Variants in RAB3GAP2 observed in about 807,000 individuals in gnomAD.
The protein encoded by RAB3GAP2 is RAB3 GTPase activating non-catalytic protein subunit 2.
RAB3GAP2 carries 87 observed loss-of-function variants against 185.3 expected under a neutral mutation model. The observed-to-expected ratio is 0.47, with a 90% CI of 0.39 to 0.56. RAB3GAP2 has a LOEUF of 0.56. Ranked by LOEUF, RAB3GAP2 falls within the 20% of genes least tolerant of loss-of-function variation. The pLI is 0.00. For synonymous variants in RAB3GAP2, 554 were observed against 576.1 expected (o/e 0.96, Z 0.55); for missense variants, 1,492 against 1,638.2 (o/e 0.91, Z 1.54).
chr1:220,265,547 C>A (rs1222008088), intron 1 of RAB3GAP2, among the ~76,000 whole-genome samples: 1 of 151,940 alleles, frequency 6.6e-6, no homozygotes, highest in African/African-American at 2.4e-5. Context: ...TCAGAAAGTT[C>A]TGGTCTAGGC....
chr1:220,236,185 T>G (rs1659587728), intron 1 of RAB3GAP2, among the ~76,000 whole-genome samples: 1 of 152,020 alleles, frequency 6.6e-6, no homozygotes, highest in African/African-American at 2.4e-5. Flanking sequence ...TATTTTTTAT[T>G]TATTTATTTT....
rs1396710357 is a variant in RAB3GAP2 at position 220,172,685 on chromosome 1, A to G, written c.2368T>C (p.Ser790Pro). The change falls in exon 22 of 35, where the codon TCA becomes CCA. Residue 790 changes from serine to proline, a missense_variant. Physicochemically the swap from Ser to Pro is moderately conservative, Grantham distance 74. Around this residue, in one of 5 missense-constraint regions of RAB3GAP2, gnomAD observed 681 missense variants for 689.1 expected, o/e 0.99. Transcript: ENST00000358951. ...KEKDILDKPQSICCLHTMLSL... is the reference protein window; with the variant it reads ...KEKDILDKPQPICCLHTMLSL... ...AGCATGGTATGAAGACAGCAGATTG[A>G]CTGTGGTTTATCCAAAATATCCTTT... is the stretch of plus-strand genomic sequence containing the variant. 6.2e-7 allele frequency: 1 copy of G among 1,613,334 alleles called. No homozygotes were observed. Among genetic ancestry groups the G allele is most frequent in the Non-Finnish European group, 8.5e-7 (1 of 1,179,410 alleles).
chr1:220,162,336 T>C, intron 27 of RAB3GAP2, 68 bp from the exon 28 acceptor site: 1 of 1,098,614 alleles, frequency 9.1e-7, no homozygotes, highest in Non-Finnish European at 1.4e-6. Flanking sequence ...CATAAATTAC[T>C]CTTTCTTAAG....
At position 220,157,354 on chromosome 1, in the gene RAB3GAP2, G is replaced by C. The variant is rs200552845; in HGVS notation, c.3471C>G (p.His1157Gln). The C allele has an allele frequency of 2.5e-6, 4 of 1,613,754 alleles. No individual in the cohort carries two copies. The highest frequency in any genetic ancestry group is 3.4e-6 in the Non-Finnish European group (4 of 1,179,894). Residue 1157 changes from histidine (H) to glutamine (Q), a missense_variant, in exon 31 of 35, where the codon CAC becomes CAG. Transcript: ENST00000358951. ...QKHIHYPLVE[H>Q]HSILCSILYA... ...ACAAGATGGAGCACAGGATGGAGTGGTGCTCCACCAGTGGGTAGTGGATGT... is the reference window on the plus strand; with the variant it reads ...ACAAGATGGAGCACAGGATGGAGTGCTGCTCCACCAGTGGGTAGTGGATGT...
At chr1:220,220,657 C>T (rs1659288816) in intron 2 of RAB3GAP2, 1 of 152,188 alleles carries the variant, frequency 6.6e-6, no homozygotes, top group Admixed American at 6.5e-5. Flanking sequence ...CCCACAATTC[C>T]CACGTGTTGT....
Position 220,171,110 on chromosome 1 carries a change from G to C in RAB3GAP2, c.2588C>G (p.Thr863Arg). Residue 863 changes from threonine (T) to arginine (R), a missense_variant, in exon 24 of 35, where the codon ACA becomes AGA. By Grantham distance (71) the Thr-to-Arg change is moderately conservative. Coordinates refer to ENST00000358951, the MANE Select transcript of RAB3GAP2 (RefSeq NM_012414.4). The stretch of plus-strand genomic sequence containing the variant: ...GGCCTCTGAATCAGCACCCAAAACT[G>C]TTTGGGAAAACTAATAAAAAATGCA... ...NNMTEKKFSQ[T>R]VLGADSEALT... 1 of 1,613,918 alleles carries C rather than the reference G, an allele frequency of 6.2e-7. No homozygotes were observed. The highest frequency in any genetic ancestry group is 8.5e-7 in the Non-Finnish European group (1 of 1,179,822).
intron 1 of RAB3GAP2, among the ~76,000 whole-genome samples, chr1:220,265,627 G>C (rs1367010831): frequency 6.6e-6 from 1 of 152,050 alleles, no homozygotes; most frequent in African/African-American, 2.4e-5. Flanking sequence ...ACCCATCCCT[G>C]CAACTTCAAA....
At chr1:220,218,598 G>A (rs548797591) in intron 2 of RAB3GAP2, among the ~76,000 whole-genome samples, 1 of 152,236 alleles carries the variant, frequency 6.6e-6, no homozygotes, top group East Asian at 1.9e-4. Context: ...GTGGGGTGTG[G>A]AGTCAGGGGA....
intron 1 of RAB3GAP2, chr1:220,267,893 G>C: frequency 1.3e-6 from 1 of 799,110 alleles, no homozygotes; most frequent in South Asian, 1.4e-5. Context: ...GCCCTGAAAT[G>C]CAGTTTTCTT....
At chr1:220,267,023 C>T (rs1660239629) in intron 1 of RAB3GAP2, 8 of 1,611,402 alleles carry the variant, frequency 5.0e-6, no homozygotes, top group Non-Finnish European at 5.1e-6. Flanking sequence ...TCAATCATTT[C>T]GGGGGGCAGG....
In RAB3GAP2 at chr1:220,191,179, C is replaced by G. The variant is rs1393870747; in HGVS notation, c.1376G>C (p.Ser459Thr). 2 of 1,614,030 alleles carry G rather than the reference C, an allele frequency of 1.2e-6. No individual in the cohort carries two copies. The highest frequency in any genetic ancestry group is 1.7e-6 in the Non-Finnish European group (2 of 1,179,980). Reference sequence around the variant, plus strand: ...GATCACAAGGAATTGAGCTACTCGACTTGGACCCTGAGAATTTCCAAAGGG... The same window carrying G: ...GATCACAAGGAATTGAGCTACTCGAGTTGGACCCTGAGAATTTCCAAAGGG... The part of the protein sequence containing the change: ...FSPFGNSQGP[S>T]RVAQFLVIYA... The change falls in exon 14 of 35, where the codon AGT (serine) becomes ACT (threonine). Residue 459 changes from serine to threonine, a missense_variant. By Grantham distance (58) the Ser-to-Thr change is moderately conservative (BLOSUM62 1). Transcript: ENST00000358951.
At chr1:220,200,793 T>C (rs1408606878) in intron 9 of RAB3GAP2, 1 of 371,968 alleles carries the variant, frequency 2.7e-6, no homozygotes, top group Non-Finnish European at 5.5e-6. Context: ...ATGGCCTGTG[T>C]GTCAGATATC....
At chr1:220,248,773 G>A (rs1659872549) in intron 1 of RAB3GAP2, among the ~76,000 whole-genome samples, 1 of 152,132 alleles carries the variant, frequency 6.6e-6, no homozygotes, top group South Asian at 2.1e-4. Context: ...CCATGGGAGA[G>A]ACCCAGTGGG....
intron 10 of RAB3GAP2, among the ~76,000 whole-genome samples, chr1:220,195,992 A>C (rs996923990): frequency 6.6e-6 from 1 of 152,200 alleles, no homozygotes; most frequent in African/African-American, 2.4e-5. Flanking sequence ...TATTGCACCA[A>C]TATTTAAAGA....
chr1:220,244,027 T>G (rs1390458347), intron 1 of RAB3GAP2, among the ~76,000 whole-genome samples: 1 of 152,176 alleles, frequency 6.6e-6, no homozygotes, highest in Non-Finnish European at 1.5e-5. Context: ...TTTTACCACT[T>G]CTATTCAACA....
chr1:220,171,091 T>C lies in RAB3GAP2; in HGVS notation c.2607A>G (p.Ser869=), dbSNP rs1658167378. 6.2e-6 allele frequency: 10 copies of C among 1,614,164 alleles called. No homozygotes were observed. The highest frequency in any genetic ancestry group is 8.5e-6 in the Non-Finnish European group (10 of 1,179,998). ...CCTCCCAGGAATCAGTGAGGGCCTCTGAATCAGCACCCAAAACTGTTTGGG... is the reference window on the plus strand; with the variant it reads ...CCTCCCAGGAATCAGTGAGGGCCTCCGAATCAGCACCCAAAACTGTTTGGG... ...KFSQTVLGAD[S]EALTDSWEAL... is the part of the protein sequence containing the mutation. The change falls in exon 24 of 35, where the codon TCA becomes TCG. Residue 869 remains serine, a synonymous_variant. Transcript: ENST00000358951.
rs1284746234 is a variant in RAB3GAP2, at chr1:220,191,790, C to T, written c.1271-506G>A. Among the ~76,000 whole-genome samples, 4 of 151,564 alleles carry T rather than the reference C, an allele frequency of 2.6e-5. No homozygotes were observed. The East Asian group carries it at 7.7e-4, about 29-fold the overall frequency. ...CCCAGATCGCACCATTGAACTCCAG[C>T]CTGGGCAACAAGAGCGAAACTCTCT... On this transcript the variant is annotated intron_variant, in intron 13 of 34. Coordinates refer to ENST00000358951, the MANE Select transcript of RAB3GAP2 (RefSeq NM_012414.4).
intron 2 of RAB3GAP2, among the ~76,000 whole-genome samples, chr1:220,229,684 T>C (rs950189064): frequency 4.6e-5 from 7 of 152,216 alleles, no homozygotes; most frequent in Non-Finnish European, 1.5e-5. Flanking sequence ...GCCAAGTATG[T>C]ATCAGTGGGC....
At chr1:220,210,256 G>C in intron 7 of RAB3GAP2, 132 bp downstream of exon 7, 2 of 769,434 alleles carry the variant, frequency 2.6e-6, no homozygotes. Flanking sequence ...TATATTTCTA[G>C]ACTATGATAG....
Sources: allele counts gnomAD v4.1 joint callset (sites outside exome capture counted in the v4.1 genomes callset), GRCh38; gene constraint gnomAD v4.1.1; regional missense constraint gnomAD v4.1.1; transcripts MANE v1.5; gene names NCBI Gene and HGNC (gene_info 2026-07-23, HGNC 2026-07-21).